The following MDH2 variants were observed in gnomAD, a reference collection of about 807,000 sequenced individuals.
The protein encoded by MDH2 is malate dehydrogenase 2, also known as malate dehydrogenase, mitochondrial.
In MDH2, 25 loss-of-function variants were observed where a neutral mutation model predicts 33.6. The observed-to-expected ratio is 0.74, with a 90% confidence interval of 0.54 to 1.04. MDH2 has a LOEUF of 1.04. MDH2 is among the 50% of genes least tolerant of loss of function. The pLI, the probability that MDH2 is intolerant of heterozygous loss-of-function variation, is 0.00. For synonymous variants in MDH2, 193 were observed against 188.7 expected (o/e 1.02, Z -0.19); for missense variants, 432 against 445.0 (o/e 0.97, Z 0.26).
rs1404425373 is a variant in MDH2, at chr7:76,054,842, G to A, written c.79G>A (p.Val27Ile). 1.2e-6 allele frequency: 2 copies of A among 1,613,848 alleles called. No individual in the cohort carries two copies. Among genetic ancestry groups the A allele is most frequent in the African/African-American group, 1.3e-5 (1 of 74,904 alleles). ...FSTSAQNNAK[V>I]AVLGASGGIG... ...TGCCTCTTTTTAGAACAATGCTAAA[G>A]TAGCTGTGCTAGGGGCCTCTGGAGG... The change falls in exon 2 of 9, where the codon GTA becomes ATA. Residue 27 changes from valine (V) to isoleucine (I), a missense_variant. Val to Ile is a conservative substitution (Grantham distance 29, BLOSUM62 3). Coordinates refer to ENST00000315758, the MANE Select transcript of MDH2 (RefSeq NM_005918.4).
rs1798104719 is a variant in MDH2 at position 76,066,654 on chromosome 7, C to G, written c.*244C>G. 2.6e-6 allele frequency: 1 copy of G among 378,954 alleles called. No homozygotes were observed. The allele number at this position is 378,954 out of a possible 1,614,324, so 23.5% of individuals were successfully genotyped here. On this transcript the variant is annotated 3_prime_UTR_variant, in exon 9 of 9. Coordinates refer to ENST00000315758, the MANE Select transcript of MDH2 (RefSeq NM_005918.4). ...CCTGTGAGAGCCAACTTTAGAGTGT[C>G]TGCTACCTCTTCATTACCAATCAGA... is the stretch of plus-strand genomic sequence containing the variant.
rs1554584511 is a variant in MDH2, at chr7:76,048,244, C to T, written c.66+18C>T. 6.5e-7 allele frequency: 1 copy of T among 1,530,946 alleles called. No individual in the cohort carries two copies. Among genetic ancestry groups the T allele is most frequent in the Non-Finnish European group, 8.7e-7 (1 of 1,144,364 alleles). The allele number at this position is 1,530,946 out of a possible 1,614,324, so 94.8% of individuals were successfully genotyped here. A position where few individuals can be genotyped will look rare whatever the true frequency, so the allele number is the denominator to read the frequency against. ...CGGCCCAGGTAGGCCAGACGAGGGG[C>T]GGCCTGCAGGCGGAGGCCCCCCGGC... On this transcript the variant is annotated intron_variant, in intron 1 of 8. Transcript: ENST00000315758.
chr7:76,065,160 T>G, intron 8 of MDH2: 1 of 538,340 alleles, frequency 1.9e-6, no homozygotes, highest in East Asian at 3.2e-5. Flanking sequence ...AGCAAGTGGG[T>G]CTCCTTCCCT....
Position 76,060,192 on chromosome 7 carries a change from C to T in MDH2, c.430-181C>T, listed in dbSNP as rs148025990. Among the ~76,000 whole-genome samples, 481 of 152,338 alleles carry T rather than the reference C, an allele frequency of 3.2e-3. 4 individuals carry two copies. The highest frequency in any genetic ancestry group is 0.011 in the African/African-American group (452 of 41,572). On this transcript the variant is annotated intron_variant, in intron 4 of 8. Transcript: ENST00000315758. The stretch of plus-strand genomic sequence containing the variant: ...AAAGGGTTTCTTTGTTCACATGGTG[C>T]GGCCTGTCCTTTCTGGCAGGTGGCT...
At position 76,055,007 on chromosome 7, in the gene MDH2, C is replaced by T. The variant is rs201036956; in HGVS notation, c.235+9C>T. ...CAAAGCCGCTGTGAAAGGTACTGGG[C>T]GCGCTGACCCTGGAGACTTGCTTCC... On this transcript the variant is annotated intron_variant, in intron 2 of 8. Coordinates refer to ENST00000315758, the MANE Select transcript of MDH2 (RefSeq NM_005918.4). 3.3e-5 allele frequency: 53 copies of T among 1,604,462 alleles called. No individual in the cohort carries two copies. In the East Asian group the frequency reaches 3.8e-4, roughly 12 times the overall value.
At chr7:76,054,716 T>G in intron 1 of MDH2, 114 bp from the exon 2 acceptor site, 4 of 1,173,660 alleles carry the variant, frequency 3.4e-6, no homozygotes, top group Non-Finnish European at 5.0e-6. Context: ...AATGATTGTA[T>G]CTTGCTTTGG....
intron 7 of MDH2, 117 bp downstream of exon 7, chr7:76,064,555 A>G (rs1798042346): frequency 9.7e-7 from 1 of 1,028,808 alleles, no homozygotes; most frequent in Non-Finnish European, 1.4e-6. Flanking sequence ...GTTGATTTGC[A>G]GTTGCCTGGT....
chr7:76,065,091 G>C, intron 8 of MDH2, 138 bp downstream of exon 8: 1 of 1,001,456 alleles, frequency 1.0e-6, no homozygotes. Context: ...TTCAAGGGTG[G>C]ACGCACACCC....
chr7:76,058,226 G>A lies in MDH2; in HGVS notation c.429+148G>A, dbSNP rs888324075. On this transcript the variant is annotated intron_variant, in intron 4 of 8. Transcript: ENST00000315758. Reference sequence around the variant, plus strand: ...ATGAAGGGGCTGAAATGGAGAGGTCGGGTGCACTAAGCAGAGGCCCGTCCG... The same window carrying A: ...ATGAAGGGGCTGAAATGGAGAGGTCAGGTGCACTAAGCAGAGGCCCGTCCG... 81 of 705,804 alleles carry A rather than the reference G, an allele frequency of 1.1e-4. 1 individual carries two copies. In the South Asian group the frequency reaches 1.3e-3, roughly 12 times the overall value. 43.7% of individuals were successfully genotyped at this position (705,804 alleles called of 1,614,324 possible).
At position 76,048,127 on chromosome 7, in the gene MDH2, G is replaced by C. The variant is rs564196030; in HGVS notation, c.-34G>C. ...AGTCACTTCCCCGTCACCAGCTCCT[G>C]TGCCTGCCAGTCGGTGCCCCTCCCG... On this transcript the variant is annotated 5_prime_UTR_variant, in exon 1 of 9. Coordinates refer to ENST00000315758, the MANE Select transcript of MDH2 (RefSeq NM_005918.4). The C allele has an allele frequency of 1.5e-5, 23 of 1,536,506 alleles. 1 individual carries two copies. The South Asian group carries it at 2.7e-4, about 18-fold the overall frequency.
intron 2 of MDH2, among the ~76,000 whole-genome samples, chr7:76,057,010 CT>C (rs1424240185): frequency 5.4e-5 from 1 of 18,362 alleles, no homozygotes; most frequent in Non-Finnish European, 1.6e-4. Flanking sequence ...AAGACTCCCT[CT>C]CAAAAAAAAA....
intron 4 of MDH2, among the ~76,000 whole-genome samples, chr7:76,059,300 C>T (rs1399790999): frequency 2.0e-5 from 3 of 152,202 alleles, no homozygotes; most frequent in Admixed American, 2.0e-4. Flanking sequence ...AATTTCAGAC[C>T]TCAACTGACT....
intron 6 of MDH2, 24 bp from the exon 7 acceptor site, chr7:76,064,314 AC>A: frequency 1.9e-6 from 3 of 1,589,600 alleles, no homozygotes; most frequent in Non-Finnish European, 2.6e-6. Context: ...GAAGCCACTC[AC>A]TGATCCCATG....
intron 1 of MDH2, chr7:76,048,981 C>CG (rs71521108): frequency 1.1e-4 from 57 of 500,352 alleles, no homozygotes; most frequent in African/African-American, 4.2e-4. Flanking sequence ...CTTAAGACTG[C>CG]GGGGGGGGGG....
intron 8 of MDH2, 123 bp downstream of exon 8, chr7:76,065,076 T>C (rs1421895391): frequency 1.4e-5 from 17 of 1,228,954 alleles, no homozygotes; most frequent in Admixed American, 2.1e-5. Flanking sequence ...GCGAGTGCTG[T>C]TGTTTTCAAG....
chr7:76,055,061 T>C (rs1797729291), intron 2 of MDH2, 63 bp downstream of exon 2: 1 of 1,520,774 alleles, frequency 6.6e-7, no homozygotes, highest in African/African-American at 1.4e-5. Context: ...ATTCGAGTTT[T>C]GAGTAAGATT....
At chr7:76,058,487 A>C (rs556483948) in intron 4 of MDH2, among the ~76,000 whole-genome samples, 2 of 152,188 alleles carry the variant, frequency 1.3e-5, no homozygotes, top group Non-Finnish European at 2.9e-5. Context: ...CTGAACCCTG[A>C]ACCCTGTATA....
chr7:76,049,665 T>G (rs1554585037), intron 1 of MDH2, among the ~76,000 whole-genome samples: 1 of 152,106 alleles, frequency 6.6e-6, no homozygotes, highest in East Asian at 1.9e-4. Flanking sequence ...TTTATTGAGC[T>G]AGGTACTGGA....
At chr7:76,061,143 C>T (rs911284974) in intron 5 of MDH2, among the ~76,000 whole-genome samples, 4 of 152,280 alleles carry the variant, frequency 2.6e-5, no homozygotes, top group Admixed American at 6.5e-5. Flanking sequence ...AGCCTGCTTT[C>T]GACTTGCTTC....
Sources: allele counts gnomAD v4.1 joint callset (sites outside exome capture counted in the v4.1 genomes callset), GRCh38; gene constraint gnomAD v4.1.1; transcripts MANE v1.5; gene names NCBI Gene and HGNC (gene_info 2026-07-23, HGNC 2026-07-21).